GTF3A: variants seen among roughly 807,000 people sequenced by gnomAD.
The protein encoded by GTF3A is general transcription factor IIIA, also known as transcription factor IIIA.
GTF3A carries 40 observed loss-of-function variants against 37.6 expected under a neutral mutation model. The ratio of observed to expected loss-of-function variants is 1.06; its 90% CI spans 0.83 to 1.38. The LOEUF is 1.38. Ranked by LOEUF, GTF3A falls within the 40% of genes most tolerant of loss-of-function variation. GTF3A has a pLI of 0.00. For synonymous variants in GTF3A, 191 were observed against 166.7 expected (o/e 1.15, Z -1.12); for missense variants, 500 against 462.6 (o/e 1.08, Z -0.74).
At chr13:27,434,485 C>T (rs1035142509) in intron 6 of GTF3A, among the ~76,000 whole-genome samples, 7 of 152,050 alleles carry the variant, frequency 4.6e-5, no homozygotes, top group Non-Finnish European at 8.8e-5. Flanking sequence ...TCTGTGGGAC[C>T]GCCTGGGAAA....
chr13:27,425,207 A>C, intron 1 of GTF3A: 1 of 437,620 alleles, frequency 2.3e-6, no homozygotes, highest in Non-Finnish European at 4.1e-6. Flanking sequence ...ATCTGCAAAT[A>C]AGTGTGAGGT....
Position 27,430,551 on chromosome 13 carries a change from A to G in GTF3A, c.418A>G (p.Lys140Glu), listed in dbSNP as rs1329609571. Residue 140 changes from lysine to glutamate, a missense_variant, in exon 4 of 9, where the codon AAG (lysine) becomes GAG (glutamate). Lys to Glu is a moderately conservative substitution (Grantham distance 56, BLOSUM62 1). Transcript: ENST00000381140. ...TTAACAGTGCAGTTTTGAAGACTGT[A>G]AGAAGACCTTTAAGAAACATCAGCA... 6.2e-7 allele frequency: 1 copy of G among 1,610,332 alleles called. No homozygotes were observed. Among genetic ancestry groups the G allele is most frequent in the Admixed American group, 1.7e-5 (1 of 59,966 alleles).
At position 27,432,792 on chromosome 13, in the gene GTF3A, AAGG is replaced by A. The variant is rs1483587283; in HGVS notation, c.551_553del (p.Lys184_Ala185delinsThr). ...ACCCAGCAAGCTGAAACGACATGCCAAGGCCCACGAGGGTGTGTACGGATAGCC... is the reference window on the plus strand; with the variant it reads ...ACCCAGCAAGCTGAAACGACATGCCACCCACGAGGGTGTGTACGGATAGCC... On this transcript the variant is annotated inframe_deletion, in exon 5 of 9. Coordinates refer to ENST00000381140, the MANE Select transcript of GTF3A (RefSeq NM_002097.3). 6.2e-7 allele frequency: 1 copy of A among 1,602,544 alleles called. No individual in the cohort carries two copies. Among genetic ancestry groups the A allele is most frequent in the Non-Finnish European group, 8.5e-7 (1 of 1,174,230 alleles).
chr13:27,431,645 G>T (rs9581849), intron 4 of GTF3A, among the ~76,000 whole-genome samples: 15,178 of 152,060 alleles, frequency 0.1, 1,112 homozygotes, highest in Non-Finnish European at 0.15. Context: ...GTTTGGGGAG[G>T]GGGGTGAGGG....
At chr13:27,426,991 AGG>A (rs1953610028) in intron 1 of GTF3A, 99 bp from the exon 2 acceptor site, 3 of 670,716 alleles carry the variant, frequency 4.5e-6, no homozygotes, top group South Asian at 3.3e-5. Context: ...ACCTCTTCAT[AGG>A]AAGCCTGTGG....
At position 27,424,664 on chromosome 13, in the gene GTF3A, G is replaced by T. The variant is rs1052142209; in HGVS notation, c.-74G>T. 8.8e-6 allele frequency: 10 copies of T among 1,134,732 alleles called. No homozygotes were observed. In the African/African-American group the frequency reaches 1.2e-4, roughly 13 times the overall value. The allele number at this position is 1,134,732 out of a possible 1,614,324, so 70.3% of individuals were successfully genotyped here. A position where few individuals can be genotyped will look rare whatever the true frequency, so the allele number is the denominator to read the frequency against. On this transcript the variant is annotated 5_prime_UTR_variant, in exon 1 of 9. Coordinates refer to ENST00000381140, the MANE Select transcript of GTF3A (RefSeq NM_002097.3). ...AAGGTTCAGCAGGGAGCCGTGGGCC[G>T]GGCGCGCCGGTTCCCGGCACGTGTC...
rs532387547 is a variant in GTF3A at position 27,428,197 on chromosome 13, T to C, written c.302+1005T>C. On this transcript the variant is annotated intron_variant, in intron 2 of 8. Transcript: ENST00000381140. The stretch of plus-strand genomic sequence containing the variant: ...TCTGTTTGATCTTCTCTCATGTTCT[T>C]GTCTGGAGAGGTGGCCTCGCTGTCT... Among the ~76,000 whole-genome samples, 7 of 152,336 alleles carry C rather than the reference T, an allele frequency of 4.6e-5. No individual in the cohort carries two copies. In the South Asian group the frequency reaches 1.4e-3, roughly 32 times the overall value.
At position 27,435,609 on chromosome 13, in the gene GTF3A, C is replaced by A; in HGVS notation, c.*12C>A. 6.2e-7 allele frequency: 1 copy of A among 1,613,140 alleles called. No individual in the cohort carries two copies. Among genetic ancestry groups the A allele is most frequent in the Non-Finnish European group, 8.5e-7 (1 of 1,179,248 alleles). ...TTACCCTTGGCTAAGAACTGCACTGCTTTGTTTAAAGGACTGCAGACCAAG... is the reference window on the plus strand; with the variant it reads ...TTACCCTTGGCTAAGAACTGCACTGATTTGTTTAAAGGACTGCAGACCAAG... On this transcript the variant is annotated 3_prime_UTR_variant, in exon 9 of 9. Transcript: ENST00000381140.
intron 5 of GTF3A, among the ~76,000 whole-genome samples, chr13:27,433,040 A>G (rs1413815563): frequency 2.0e-5 from 3 of 152,190 alleles, no homozygotes; most frequent in Non-Finnish European, 4.4e-5. Flanking sequence ...GCCTGGTTAC[A>G]CATTACACTG....
chr13:27,425,104 C>T (rs1451370938), intron 1 of GTF3A, 166 bp downstream of exon 1: 3 of 537,844 alleles, frequency 5.6e-6, no homozygotes, highest in Non-Finnish European at 1.0e-5. Flanking sequence ...GTTGTAGGAC[C>T]TTCGTTCTGC....
At chr13:27,425,056 C>A (rs1243078853) in intron 1 of GTF3A, 118 bp downstream of exon 1, 1 of 672,870 alleles carries the variant, frequency 1.5e-6, no homozygotes, top group East Asian at 3.3e-5. Flanking sequence ...GCTTTGACAT[C>A]CAGGACTTGG....
rs1390015053 is a variant in GTF3A, at chr13:27,434,812, A to G, written c.651A>G (p.Ile217Met). 6.2e-7 allele frequency: 1 copy of G among 1,600,296 alleles called. No individual in the cohort carries two copies. Among genetic ancestry groups the G allele is most frequent in the Non-Finnish European group, 8.6e-7 (1 of 1,169,340 alleles). Reference sequence around the variant, plus strand: ...GTCTGTCTGTCCCACCAGAGGAAATACTATGTGAAGTATGCCGGAAAACAT... The same window carrying G: ...GTCTGTCTGTCCCACCAGAGGAAATGCTATGTGAAGTATGCCGGAAAACAT... The change falls in exon 7 of 9, where the codon ATA (isoleucine) becomes ATG (methionine). Residue 217 changes from isoleucine (I) to methionine (M), a missense_variant. Ile to Met is a conservative substitution (Grantham distance 10). Coordinates refer to ENST00000381140, the MANE Select transcript of GTF3A (RefSeq NM_002097.3).
Position 27,429,859 on chromosome 13 carries a change from A to G in GTF3A, c.303-11A>G. 1 of 1,479,284 alleles carries G rather than the reference A, an allele frequency of 6.8e-7. No individual in the cohort carries two copies. The highest frequency in any genetic ancestry group is 9.0e-7 in the Non-Finnish European group (1 of 1,107,244). The allele number at this position is 1,479,284 out of a possible 1,614,324, so 91.6% of individuals were successfully genotyped here. A position where few individuals can be genotyped will look rare whatever the true frequency, so the allele number is the denominator to read the frequency against. On this transcript the variant is annotated splice_polypyrimidine_tract_variant and intron_variant, in intron 2 of 8. Transcript: ENST00000381140. ...GTTTATTAATATTTTGGTTTATATA[A>G]CTTCTTACAGTTGTGCAGCCAATGG...
In GTF3A at chr13:27,435,140, T is replaced by G; in HGVS notation, c.881T>G (p.Leu294Arg). 1 of 1,609,722 alleles carries G rather than the reference T, an allele frequency of 6.2e-7. No homozygotes were observed. Among genetic ancestry groups the G allele is most frequent in the East Asian group, 2.2e-5 (1 of 44,868 alleles). Residue 294 changes from leucine (L) to arginine (R), a missense_variant, in exon 8 of 9, where the codon CTC becomes CGC. Coordinates refer to ENST00000381140, the MANE Select transcript of GTF3A (RefSeq NM_002097.3). The stretch of plus-strand genomic sequence containing the variant: ...CTTTCTCTTTCATTGTAGCAAAGTC[T>G]CACTAGGCATGCTGTTGTACATGAT...
chr13:27,428,998 G>A (rs1055320667), intron 2 of GTF3A, among the ~76,000 whole-genome samples: 7 of 152,118 alleles, frequency 4.6e-5, no homozygotes, highest in African/African-American at 1.7e-4. Flanking sequence ...TAATTGCAGG[G>A]GAGGCCGGAG....
At chr13:27,428,744 T>C (rs886236390) in intron 2 of GTF3A, among the ~76,000 whole-genome samples, 1 of 152,192 alleles carries the variant, frequency 6.6e-6, no homozygotes, top group African/African-American at 2.4e-5. Flanking sequence ...TTAAACAAGA[T>C]GGGCTCTTTG....
At chr13:27,432,993 C>T (rs930022690) in intron 5 of GTF3A, among the ~76,000 whole-genome samples, 189 bp downstream of exon 5, 3 of 152,206 alleles carry the variant, frequency 2.0e-5, no homozygotes, top group African/African-American at 7.2e-5. Flanking sequence ...CGTATCATTG[C>T]TGTTCACATG....
intron 4 of GTF3A, among the ~76,000 whole-genome samples, chr13:27,432,337 T>G (rs1272610083): frequency 6.6e-6 from 1 of 152,206 alleles, no homozygotes; most frequent in Admixed American, 6.5e-5. Context: ...TCTACTGCTG[T>G]GCTGTCTCGC....
At chr13:27,435,380 C>A in intron 8 of GTF3A, 53 bp from the exon 9 acceptor site, 1 of 1,548,028 alleles carries the variant, frequency 6.5e-7, no homozygotes, top group Non-Finnish European at 8.8e-7. Flanking sequence ...GTAAAATTAA[C>A]TCAGACAGTT....
Sources: gnomAD v4.1 joint callset for allele counts (sites outside exome capture counted in the v4.1 genomes callset) on GRCh38, gnomAD v4.1.1 for gene constraint, MANE v1.5 for transcripts, NCBI Gene and HGNC (gene_info 2026-07-23, HGNC 2026-07-21) for gene names.